PHEX: variants seen among roughly 807,000 people sequenced by gnomAD.
PHEX encodes phosphate regulating endopeptidase X-linked.
Under a neutral mutation model 68.0 loss-of-function variants are expected in PHEX, and 16 were observed. The ratio of observed to expected loss-of-function variants is 0.24; its 90% confidence interval spans 0.16 to 0.36. PHEX has a LOEUF of 0.36. Among genes scored for constraint, PHEX ranks in the 10% least tolerant of loss-of-function variants. The probability of loss-of-function intolerance (pLI) is 1.00; values close to 1 mark genes in which losing one functional copy is unlikely to be tolerated. For missense variants in PHEX, 480 were observed against 575.5 expected, an observed-to-expected ratio of 0.83 and a Z score of 1.70; for synonymous variants, 208 against 205.1, an observed-to-expected ratio of 1.01 and a Z score of -0.12.
At chrX:22,038,887 C>T (rs1441738649) in intron 2 of PHEX, among the ~76,000 whole-genome samples, 1 of 111,916 alleles carries the variant, frequency 8.9e-6, no homozygotes, top group Non-Finnish European at 1.9e-5. Context: ...AAGCAGTTGC[C>T]TATCTTCTGG....
chrX:22,168,117 C>A (rs747854370), intron 12 of PHEX, among the ~76,000 whole-genome samples, 195 bp from the exon 13 acceptor site: 1 of 111,437 alleles, frequency 9.0e-6, no homozygotes, highest in South Asian at 3.7e-4. Flanking sequence ...CAGTTATTTG[C>A]TACATTCACT....
chrX:22,048,499 C>T (rs767795677), intron 3 of PHEX, among the ~76,000 whole-genome samples: 7 of 111,397 alleles, frequency 6.3e-5, no homozygotes, highest in South Asian at 3.8e-4. Context: ...CACACACGCG[C>T]GCACAGTCAT....
At chrX:22,092,495 C>T (rs1334091941) in intron 6 of PHEX, among the ~76,000 whole-genome samples, 1 of 110,631 alleles carries the variant, frequency 9.0e-6, no homozygotes, top group Non-Finnish European at 1.9e-5. Context: ...ACCTCAGCCT[C>T]CCGAGTAGCT....
intron 17 of PHEX, among the ~76,000 whole-genome samples, chrX:22,221,176 C>T (rs1403003257): frequency 3.6e-5 from 4 of 111,346 alleles, no homozygotes; most frequent in African/African-American, 6.5e-5. Flanking sequence ...GGTCTATGAT[C>T]GCACAGTATG....
chrX:22,049,218 T>G (rs1325130720), intron 3 of PHEX, among the ~76,000 whole-genome samples: 1 of 111,438 alleles, frequency 9.0e-6, no homozygotes, highest in Non-Finnish European at 1.9e-5. Context: ...AAACGAGCGA[T>G]TCTCCTGCCT....
At chrX:22,077,765 C>A in intron 5 of PHEX, 63 bp downstream of exon 5, 1 of 828,347 alleles carries the variant, frequency 1.2e-6, no homozygotes, top group Non-Finnish European at 1.8e-6. Flanking sequence ...GGGTGCCATC[C>A]TGGGGAAAGA....
chrX:22,109,765 A>G (rs945387458), intron 9 of PHEX, among the ~76,000 whole-genome samples: 1 of 112,110 alleles, frequency 8.9e-6, no homozygotes, highest in African/African-American at 3.2e-5. Flanking sequence ...TTCTGAGGTC[A>G]GGTCATCTTT....
chrX:22,056,545 A>T (rs1297172309), intron 3 of PHEX, among the ~76,000 whole-genome samples: 1 of 110,348 alleles, frequency 9.1e-6, no homozygotes, highest in Non-Finnish European at 1.9e-5. Context: ...TCATGCCTGT[A>T]ATGCTAGCAC....
At chrX:22,232,133 A>G (rs148653154) in intron 20 of PHEX, among the ~76,000 whole-genome samples, 9 of 111,545 alleles carry the variant, frequency 8.1e-5, no homozygotes, top group African/African-American at 2.9e-4. Flanking sequence ...GGTCTGAGAG[A>G]CTGTTTGTTA....
rs150913253 is a variant in PHEX, at chrX:22,082,646, C to T, written c.663+4944C>T. Among the ~76,000 whole-genome samples, 325 of 112,230 alleles carry T rather than the reference C, an allele frequency of 2.9e-3. 2 individuals carry two copies. The highest frequency in any genetic ancestry group is 4.9e-3 in the Non-Finnish European group (260 of 53,244). On this transcript the variant is annotated intron_variant, in intron 5 of 21. Transcript: ENST00000379374. ...TGCACAGTTTCCAAATACTTTCTGC[C>T]GTTCTGTGGGTTGTCTGTTTATTCT...
intron 17 of PHEX, among the ~76,000 whole-genome samples, chrX:22,219,681 C>T (rs1191699296): frequency 5.4e-5 from 6 of 111,909 alleles, no homozygotes; most frequent in African/African-American, 1.6e-4. Context: ...TGCAGTGGCA[C>T]GATCTCGGCT....
intron 15 of PHEX, among the ~76,000 whole-genome samples, chrX:22,199,282 A>G (rs1237398605): frequency 2.7e-5 from 3 of 111,532 alleles, no homozygotes; most frequent in Non-Finnish European, 5.6e-5. Flanking sequence ...AACTTAGGCA[A>G]TGACAGGGGT....
At chrX:22,078,569 G>A (rs1929258984) in intron 5 of PHEX, among the ~76,000 whole-genome samples, 1 of 111,905 alleles carries the variant, frequency 8.9e-6, no homozygotes, top group African/African-American at 3.2e-5. Flanking sequence ...CTCACCTCAT[G>A]CATTTTAACC....
In PHEX at chrX:22,131,555, T is replaced by C. The variant is rs1039363071; in HGVS notation, c.1303-1968T>C. 2.6e-5 allele frequency among the ~76,000 whole-genome samples: 3 copies of C among 113,307 alleles called. No individual in the cohort carries two copies. The Admixed American group carries it at 2.8e-4, about 11-fold the overall frequency. ...ACCCCCTTCCATCTGCTGTTTGTTC[T>C]TATTTACATATGATGGAACCCAGCC... On this transcript the variant is annotated intron_variant, in intron 11 of 21. Coordinates refer to ENST00000379374, the MANE Select transcript of PHEX (RefSeq NM_000444.6).
chrX:22,065,559 G>A (rs977550387), intron 3 of PHEX, among the ~76,000 whole-genome samples: 1 of 111,370 alleles, frequency 9.0e-6, no homozygotes, highest in African/African-American at 3.3e-5. Flanking sequence ...CCAAGTAGCT[G>A]GGATTACAGG....
At chrX:22,246,389 T>C (rs1936393122) in intron 21 of PHEX, among the ~76,000 whole-genome samples, 1 of 112,118 alleles carries the variant, frequency 8.9e-6, no homozygotes, top group Non-Finnish European at 1.9e-5. Flanking sequence ...AAATTTCTTC[T>C]ATATGTTAAA....
At chrX:22,080,351 C>T (rs780548271) in intron 5 of PHEX, among the ~76,000 whole-genome samples, 6 of 111,734 alleles carry the variant, frequency 5.4e-5, no homozygotes, top group African/African-American at 1.6e-4. Flanking sequence ...GTGCGGCAAA[C>T]GTTTGCTTAA....
At chrX:22,080,739 T>A (rs959605699) in intron 5 of PHEX, among the ~76,000 whole-genome samples, 4 of 110,985 alleles carry the variant, frequency 3.6e-5, no homozygotes, top group Non-Finnish European at 5.7e-5. Flanking sequence ...ACAAAAAAAA[T>A]AATAGGCTTT....
chrX:22,069,346 A>G (rs981001868), intron 3 of PHEX, among the ~76,000 whole-genome samples: 1 of 112,210 alleles, frequency 8.9e-6, no homozygotes, highest in African/African-American at 3.2e-5. Context: ...ATCAAAGAAT[A>G]ATGCTAAAAT....
Sources: allele counts gnomAD v4.1 joint callset (sites outside exome capture counted in the v4.1 genomes callset), GRCh38; gene constraint gnomAD v4.1.1; transcripts MANE v1.5; gene names NCBI Gene and HGNC (gene_info 2026-07-23, HGNC 2026-07-21).